Variants in TMCC1 observed in about 807,000 individuals in gnomAD.
TMCC1 encodes the protein transmembrane and coiled-coil domain family 1, also known as transmembrane and coiled-coil domains protein 1.
Under a neutral mutation model 52.4 loss-of-function variants are expected in TMCC1, and 15 were observed. The ratio of observed to expected loss-of-function variants is 0.29; its 90% CI spans 0.19 to 0.44. The LOEUF (loss-of-function observed/expected upper bound fraction) is 0.44. Among genes scored for constraint, TMCC1 ranks in the 20% least tolerant of loss-of-function variants. TMCC1 has a pLI of 1.00. For missense variants in TMCC1, 503 were observed against 806.0 expected (o/e 0.62, Z 4.55); for synonymous variants, 279 against 301.9 (o/e 0.92, Z 0.79).
At chr3:129,672,556 C>T (rs540069910) in intron 4 of TMCC1, among the ~76,000 whole-genome samples, 33 of 152,170 alleles carry the variant, frequency 2.2e-4, no homozygotes, top group Admixed American at 1.8e-3. Context: ...GCTATGACTG[C>T]ACCACTGCAC....
At chr3:129,738,905 G>A (rs776430406) in intron 4 of TMCC1, among the ~76,000 whole-genome samples, 2 of 152,030 alleles carry the variant, frequency 1.3e-5, no homozygotes, top group Non-Finnish European at 2.9e-5. Flanking sequence ...AGCAACCTCC[G>A]CCACCTGGGT....
At chr3:129,787,217 A>C (rs1201083285) in intron 4 of TMCC1, among the ~76,000 whole-genome samples, 1 of 152,196 alleles carries the variant, frequency 6.6e-6, no homozygotes, top group African/African-American at 2.4e-5. Context: ...CATAGCCATG[A>C]TTTACTTAAT....
At chr3:129,730,107 T>C (rs1236471591) in intron 4 of TMCC1, among the ~76,000 whole-genome samples, 3 of 152,286 alleles carry the variant, frequency 2.0e-5, no homozygotes, top group African/African-American at 4.8e-5. Context: ...TTTTGCACCA[T>C]TGTAAAGTCA....
Position 129,649,442 on chromosome 3 carries a change from A to G in TMCC1, c.*2039T>C, listed in dbSNP as rs1365139846. ...TTCTAATTTTTTTTTTTTTAAAGAA[A>G]AAAAGCACCCTTGTGGCCCTGCTCT... On this transcript the variant is annotated 3_prime_UTR_variant, in exon 7 of 7. Coordinates refer to ENST00000393238, the MANE Select transcript of TMCC1 (RefSeq NM_001017395.5). 3 of 152,462 alleles carry G rather than the reference A, an allele frequency of 2.0e-5. No homozygotes were observed. Among genetic ancestry groups the G allele is most frequent in the Non-Finnish European group, 2.9e-5 (2 of 68,036 alleles). 9.4% of individuals were successfully genotyped at this position (152,462 alleles called of 1,614,324 possible). A position where few individuals can be genotyped will look rare whatever the true frequency, so the allele number is the denominator to read the frequency against.
intron 4 of TMCC1, among the ~76,000 whole-genome samples, chr3:129,729,364 T>C (rs1233673434): frequency 6.6e-6 from 1 of 152,228 alleles, no homozygotes; most frequent in African/African-American, 2.4e-5. Flanking sequence ...ACAACTTTTG[T>C]TGTCTGTTTT....
At chr3:129,688,864 T>A (rs2089608381) in intron 4 of TMCC1, 1 of 449,620 alleles carries the variant, frequency 2.2e-6, no homozygotes, top group Admixed American at 6.4e-5. Context: ...AATTCAACAT[T>A]CACATTTGTC....
At chr3:129,712,163 C>T (rs997419755) in intron 4 of TMCC1, among the ~76,000 whole-genome samples, 14 of 151,900 alleles carry the variant, frequency 9.2e-5, no homozygotes, top group Admixed American at 6.6e-4. Context: ...TGCAACAGAG[C>T]GAGACTCTTT....
At chr3:129,737,817 T>C (rs2051107952) in intron 4 of TMCC1, among the ~76,000 whole-genome samples, 1 of 152,148 alleles carries the variant, frequency 6.6e-6, no homozygotes, top group African/African-American at 2.4e-5. Flanking sequence ...TTTCTTGATA[T>C]CATCTAATAT....
chr3:129,801,949 A>G (rs1452599993), intron 4 of TMCC1, among the ~76,000 whole-genome samples: 1 of 152,204 alleles, frequency 6.6e-6, no homozygotes, highest in Non-Finnish European at 1.5e-5. Context: ...CCTGTACCAA[A>G]TAGTGTTATT....
intron 4 of TMCC1, among the ~76,000 whole-genome samples, chr3:129,738,621 T>C (rs1246761796): frequency 2.0e-5 from 3 of 152,186 alleles, no homozygotes; most frequent in Non-Finnish European, 2.9e-5. Context: ...ACTAGAAACA[T>C]AAACCAAGGC....
At chr3:129,837,374 G>T (rs1018141143) in intron 2 of TMCC1, among the ~76,000 whole-genome samples, 1 of 152,074 alleles carries the variant, frequency 6.6e-6, no homozygotes, top group Non-Finnish European at 1.5e-5. Context: ...AAAACCCAAA[G>T]CCAAGCAGGA....
At chr3:129,751,869 T>C (rs1446378428) in intron 4 of TMCC1, among the ~76,000 whole-genome samples, 3 of 152,078 alleles carry the variant, frequency 2.0e-5, no homozygotes, top group African/African-American at 4.8e-5. Flanking sequence ...CACTATAATA[T>C]CTTTTCTATC....
intron 2 of TMCC1, chr3:129,868,918 A>C (rs180904856): frequency 2.8e-4 from 42 of 152,380 alleles, no homozygotes; most frequent in African/African-American, 9.9e-4. Context: ...AGTTTTATGT[A>C]TAGTAGTGTG....
At chr3:129,805,184 A>G (rs1167921663) in intron 4 of TMCC1, among the ~76,000 whole-genome samples, 1 of 151,926 alleles carries the variant, frequency 6.6e-6, no homozygotes, top group East Asian at 1.9e-4. Context: ...TATTTTGGAG[A>G]CAGGGTGTTG....
intron 2 of TMCC1, among the ~76,000 whole-genome samples, chr3:129,870,622 C>T (rs2060867783): frequency 6.9e-6 from 1 of 145,356 alleles, no homozygotes; most frequent in South Asian, 2.3e-4. Context: ...GCCTGTAGTC[C>T]CAGCTACTCA....
chr3:129,678,076 T>C (rs1403740264), intron 4 of TMCC1, among the ~76,000 whole-genome samples: 1 of 151,936 alleles, frequency 6.6e-6, no homozygotes, highest in Non-Finnish European at 1.5e-5. Context: ...TATAGGTGTA[T>C]GCCACCACAC....
intron 2 of TMCC1, among the ~76,000 whole-genome samples, chr3:129,836,093 A>G (rs1201389945): frequency 6.6e-6 from 1 of 152,250 alleles, no homozygotes; most frequent in East Asian, 1.9e-4. Context: ...AATTGTATTC[A>G]AAGTAGACTT....
intron 2 of TMCC1, among the ~76,000 whole-genome samples, chr3:129,868,375 A>C (rs1365479920): frequency 3.3e-5 from 5 of 152,240 alleles, no homozygotes; most frequent in Non-Finnish European, 5.9e-5. Flanking sequence ...TAAATGTCTA[A>C]GCAAAAAAAG....
Position 129,828,835 on chromosome 3 carries a change from T to C in TMCC1, c.-130-327A>G, listed in dbSNP as rs1301857241. ...TTGGAATGGACACTATAATGGTAGT[T>C]GACAGAACAGCCATTGCTTGGGAAA... On this transcript the variant is annotated intron_variant, in intron 3 of 6. Transcript: ENST00000393238. This position sits in a 1 kb window ranked among gnomAD's most constrained non-coding sequence, Gnocchi z 4.1. 6.6e-6 allele frequency among the ~76,000 whole-genome samples: 1 copy of C among 152,204 alleles called. No homozygotes were observed. The highest frequency in any genetic ancestry group is 1.5e-5 in the Non-Finnish European group (1 of 68,030).
Sources: gnomAD v4.1 joint callset for allele counts (sites outside exome capture counted in the v4.1 genomes callset) on GRCh38, gnomAD v4.1.1 for gene constraint, Gnocchi (gnomAD v3.1) non-coding constraint, MANE v1.5 for transcripts, NCBI Gene and HGNC (gene_info 2026-07-23, HGNC 2026-07-21) for gene names.